The following GRID1 variants were observed in gnomAD, a reference collection of about 807,000 sequenced individuals.
GRID1 encodes glutamate receptor ionotropic, delta-1.
A neutral mutation model predicts 98.0 loss-of-function variants in GRID1; 28 were observed. The ratio of observed to expected loss-of-function variants is 0.29; its 90% confidence interval spans 0.21 to 0.39. GRID1 has a LOEUF of 0.39. GRID1 is among the 10% of genes least tolerant of loss of function. GRID1 has a pLI of 1.00. For synonymous variants in GRID1, 553 were observed against 538.5 expected, an observed-to-expected ratio of 1.03 and a Z score of -0.37; for missense variants, 1,111 against 1,340.5, an observed-to-expected ratio of 0.83 and a Z score of 2.67.
chr10:86,313,333 A>T (rs1299158166), intron 2 of GRID1, among the ~76,000 whole-genome samples: 1 of 152,240 alleles, frequency 6.6e-6, no homozygotes, highest in African/African-American at 2.4e-5. Context: ...CAACCCTGAG[A>T]TGTTGACAGA....
chr10:86,099,338 G>A (rs1844262474), intron 4 of GRID1, among the ~76,000 whole-genome samples: 1 of 152,216 alleles, frequency 6.6e-6, no homozygotes, highest in Non-Finnish European at 1.5e-5. Flanking sequence ...TGCAGATGCT[G>A]TTGGGGCCAA....
intron 13 of GRID1, among the ~76,000 whole-genome samples, chr10:85,630,188 C>T (rs780595022): frequency 6.6e-6 from 1 of 152,178 alleles, no homozygotes; most frequent in African/African-American, 2.4e-5. Context: ...TCCCACTTCA[C>T]AGACAGCACG....
intron 2 of GRID1, among the ~76,000 whole-genome samples, chr10:86,305,108 GA>G (rs549747831): frequency 0.029 from 4,009 of 136,408 alleles, 67 homozygotes; most frequent in Middle Eastern, 0.063. Context: ...AGGGCTTAAG[GA>G]AAAAAAAAAA....
chr10:85,664,712 A>T (rs1841000855), intron 12 of GRID1, among the ~76,000 whole-genome samples: 1 of 152,200 alleles, frequency 6.6e-6, no homozygotes, highest in South Asian at 2.1e-4. Context: ...GAAATCCAGG[A>T]GGGCGCAATA....
At chr10:86,082,276 G>A (rs1025638888) in intron 4 of GRID1, among the ~76,000 whole-genome samples, 1 of 152,216 alleles carries the variant, frequency 6.6e-6, no homozygotes, top group Non-Finnish European at 1.5e-5. Context: ...GCCCTGGGCA[G>A]TGCAGTAGAA....
rs1165908787 is a variant in GRID1, at chr10:86,195,934, C to T, written c.520+10430G>A. 6.6e-6 allele frequency among the ~76,000 whole-genome samples: 1 copy of T among 152,112 alleles called. No individual in the cohort carries two copies. The highest frequency in any genetic ancestry group is 2.4e-5 in the African/African-American group (1 of 41,446). ...TCCAGAGCAATGCAACCAGAGAGAACGGGCTTCCGTTCTTGAGCATCCTTA... is the reference window on the plus strand; with the variant it reads ...TCCAGAGCAATGCAACCAGAGAGAATGGGCTTCCGTTCTTGAGCATCCTTA... On this transcript the variant is annotated intron_variant, in intron 3 of 15. Coordinates refer to ENST00000327946, the MANE Select transcript of GRID1 (RefSeq NM_017551.3). The surrounding 1 kb of genome is among the most constrained non-coding windows in gnomAD (Gnocchi z 4.4).
intron 13 of GRID1, among the ~76,000 whole-genome samples, chr10:85,631,578 G>GA (rs1842975975): frequency 6.6e-6 from 1 of 152,134 alleles, no homozygotes; most frequent in Non-Finnish European, 1.5e-5. Context: ...TCCTAAGTTG[G>GA]AAAAATCAAT....
chr10:86,162,598 G>T (rs925288818), intron 3 of GRID1, among the ~76,000 whole-genome samples: 2 of 152,222 alleles, frequency 1.3e-5, no homozygotes, highest in African/African-American at 4.8e-5. Flanking sequence ...AAACAGGGGT[G>T]TCCTGTGCAT....
chr10:86,229,536 C>T (rs143588686), intron 2 of GRID1, among the ~76,000 whole-genome samples: 2 of 152,304 alleles, frequency 1.3e-5, no homozygotes, highest in South Asian at 2.1e-4. Flanking sequence ...ACTCACAGGG[C>T]ACCCTCTATG....
intron 4 of GRID1, among the ~76,000 whole-genome samples, chr10:86,103,690 A>C (rs1844335158): frequency 6.6e-6 from 1 of 152,170 alleles, no homozygotes; most frequent in Non-Finnish European, 1.5e-5. Context: ...CATGGCTCTT[A>C]AACGTTTGCC....
intron 4 of GRID1, among the ~76,000 whole-genome samples, chr10:86,054,246 G>C (rs997110699): frequency 6.7e-6 from 1 of 149,490 alleles, no homozygotes; most frequent in African/African-American, 2.4e-5. Context: ...CTGTCTACTC[G>C]AGTTGGGGCT....
At chr10:85,708,056 G>A (rs1841540727) in intron 12 of GRID1, among the ~76,000 whole-genome samples, 1 of 149,248 alleles carries the variant, frequency 6.7e-6, no homozygotes, top group East Asian at 2.0e-4. Context: ...TGGCACATGT[G>A]TATATATATA....
Position 85,798,281 on chromosome 10 carries a change from A to T in GRID1, c.1233+56215T>A, listed in dbSNP as rs574260408. ...TAAGGAGGCTGAGGCTTTAAGAGTG[A>T]AGGTAATAAGAAGAGATATGCAAAG... is the stretch of plus-strand genomic sequence containing the variant. On this transcript the variant is annotated intron_variant, in intron 8 of 15. Transcript: ENST00000327946. 1.3e-4 allele frequency among the ~76,000 whole-genome samples: 20 copies of T among 152,324 alleles called. No individual in the cohort carries two copies. In the East Asian group the frequency reaches 3.5e-3, roughly 26 times the overall value.
chr10:85,667,962 C>T (rs1270283413), intron 12 of GRID1, among the ~76,000 whole-genome samples: 2 of 152,324 alleles, frequency 1.3e-5, no homozygotes, highest in East Asian at 1.9e-4. Context: ...TCCCTAAGCC[C>T]TAGGCAAAGG....
chr10:86,357,897 T>C (rs942860471), intron 2 of GRID1, among the ~76,000 whole-genome samples: 2 of 152,098 alleles, frequency 1.3e-5, no homozygotes, highest in African/African-American at 4.8e-5. Context: ...CAAAGCAAGA[T>C]TGACTTCAAC....
chr10:86,242,932 C>T lies in GRID1; in HGVS notation c.236-36284G>A, dbSNP rs577410069. Among the ~76,000 whole-genome samples, 13 of 152,276 alleles carry T rather than the reference C, an allele frequency of 8.5e-5. No homozygotes were observed. The East Asian group carries it at 2.3e-3, about 27-fold the overall frequency. On this transcript the variant is annotated intron_variant, in intron 2 of 15. Coordinates refer to ENST00000327946, the MANE Select transcript of GRID1 (RefSeq NM_017551.3). ...ACTGCTTGTCCATCAGCTCCTCACC[C>T]AGCCCCACCTGCCTCACCAAATTCC...
chr10:86,142,766 G>T (rs1034662935), intron 3 of GRID1, among the ~76,000 whole-genome samples: 2 of 152,246 alleles, frequency 1.3e-5, no homozygotes, highest in South Asian at 2.1e-4. Context: ...TGGCCCCAGG[G>T]ACCTTATGCC....
At chr10:86,254,876 C>T (rs1343582936) in intron 2 of GRID1, among the ~76,000 whole-genome samples, 1 of 152,226 alleles carries the variant, frequency 6.6e-6, no homozygotes, top group East Asian at 1.9e-4. Flanking sequence ...CCCAAGCAGG[C>T]TGGCCTTGCC....
At chr10:85,878,647 TA>T (rs1840945016) in intron 5 of GRID1, among the ~76,000 whole-genome samples, 1 of 152,160 alleles carries the variant, frequency 6.6e-6, no homozygotes, top group Non-Finnish European at 1.5e-5. Flanking sequence ...GAACAACCGG[TA>T]CCAGCCACTG....
Sources: allele counts gnomAD v4.1 joint callset (sites outside exome capture counted in the v4.1 genomes callset), GRCh38; gene constraint gnomAD v4.1.1; non-coding constraint Gnocchi (gnomAD v3.1); transcripts MANE v1.5; gene names NCBI Gene and HGNC (gene_info 2026-07-23, HGNC 2026-07-21).